SCAP: variants seen among roughly 807,000 people sequenced by gnomAD.
SCAP encodes the protein sterol regulatory element-binding protein cleavage-activating protein.
A neutral mutation model predicts 123.6 loss-of-function variants in SCAP; 65 were observed. That is an observed-to-expected ratio of 0.53 (90% CI 0.43 to 0.65). The LOEUF is 0.65. Ranked by LOEUF, SCAP falls within the 30% of genes least tolerant of loss-of-function variation. SCAP has a pLI of 0.00. For synonymous variants in SCAP, 740 were observed against 726.3 expected (o/e 1.02, Z -0.30); for missense variants, 1,398 against 1,712.5 (o/e 0.82, Z 3.24).
intron 1 of SCAP, among the ~76,000 whole-genome samples, chr3:47,471,207 A>C (rs1417466148): frequency 6.6e-6 from 1 of 152,204 alleles, no homozygotes; most frequent in Admixed American, 6.5e-5. Context: ...AAGAGGAGGC[A>C]GGGAAAGGCA....
In SCAP at chr3:47,462,767, A is replaced by G. The variant is rs980641866; in HGVS notation, c.-99+13032T>C. Reference sequence around the variant, plus strand: ...AAACTCCGTCTCAAAAAAAAAAAAAAAAAAAAAGAAAGAAAGAAAGGAAAA... The same window carrying G: ...AAACTCCGTCTCAAAAAAAAAAAAAGAAAAAAAGAAAGAAAGAAAGGAAAA... On this transcript the variant is annotated intron_variant, in intron 1 of 22. Coordinates refer to ENST00000265565, the MANE Select transcript of SCAP (RefSeq NM_012235.4). Among the ~76,000 whole-genome samples, 38 of 151,594 alleles carry G rather than the reference A, an allele frequency of 2.5e-4. No homozygotes were observed. In the South Asian group the frequency reaches 7.3e-3, roughly 29 times the overall value.
At chr3:47,417,968 G>A (rs1471464454) in intron 16 of SCAP, 142 bp from the exon 17 acceptor site, 3 of 455,524 alleles carry the variant, frequency 6.6e-6, no homozygotes, top group East Asian at 4.1e-5. Flanking sequence ...GGGGTGGGGA[G>A]AGGGGGGTAC....
At chr3:47,431,005 G>A (rs1002182134) in intron 3 of SCAP, among the ~76,000 whole-genome samples, 8 of 152,136 alleles carry the variant, frequency 5.3e-5, no homozygotes, top group African/African-American at 1.4e-4. Flanking sequence ...AGAGGCAACC[G>A]TCTGAGCCTT....
In SCAP at chr3:47,417,663, G is replaced by A. The variant is rs747708395; in HGVS notation, c.2611C>T (p.Pro871Ser). The A allele has an allele frequency of 6.2e-7, 1 of 1,609,490 alleles. No individual in the cohort carries two copies. Among genetic ancestry groups the A allele is most frequent in the Non-Finnish European group, 8.5e-7 (1 of 1,178,852 alleles). ...GTGTCAATTAAGCAGGTGAGGTCAGGCTGGTCCCCGAAGAGGGAAGGCGGC... is the reference window on the plus strand; with the variant it reads ...GTGTCAATTAAGCAGGTGAGGTCAGACTGGTCCCCGAAGAGGGAAGGCGGC... ...PPPPSLFGDQ[P>S]DLTCLIDTNF... The change falls in exon 17 of 23, where the codon CCT becomes TCT. Residue 871 changes from proline to serine, a missense_variant. Transcript: ENST00000265565.
At chr3:47,459,890 C>G (rs1336901148) in intron 1 of SCAP, among the ~76,000 whole-genome samples, 1 of 152,100 alleles carries the variant, frequency 6.6e-6, no homozygotes, top group Admixed American at 6.6e-5. Flanking sequence ...GAGACCAGGG[C>G]GTATTTCAGT....
In SCAP at chr3:47,427,795, TGACCACTA is replaced by T. The variant is rs903271805; in HGVS notation, c.411-136_411-129del. ...TGCTCTCTGGTATCGCCAAAGAGCC[TGACCACTA>T]GGGCAGCAGGGGGAAGTACTTCCAG... is the stretch of plus-strand genomic sequence containing the variant. On this transcript the variant is annotated intron_variant, in intron 4 of 22. Coordinates refer to ENST00000265565, the MANE Select transcript of SCAP (RefSeq NM_012235.4). The T allele has an allele frequency of 5.2e-6, 4 of 771,900 alleles. No homozygotes were observed. In the African/African-American group the frequency reaches 7.0e-5, roughly 13 times the overall value. 47.8% of individuals were successfully genotyped at this position (771,900 alleles called of 1,614,324 possible).
intron 1 of SCAP, among the ~76,000 whole-genome samples, chr3:47,455,128 A>C (rs1409927552): frequency 6.7e-6 from 1 of 148,902 alleles, no homozygotes; most frequent in African/African-American, 2.4e-5. Context: ...TTGATAAAAG[A>C]ATCACCATAA....
Position 47,469,799 on chromosome 3 carries a change from G to A in SCAP, c.-99+6000C>T, listed in dbSNP as rs997218570. On this transcript the variant is annotated intron_variant, in intron 1 of 22. Transcript: ENST00000265565. ...CTTATATTCATTGCTCAACAAGGAA[G>A]AGACTTGCAAGGCTATTACCCTGGG... 17 of 562,030 alleles carry A rather than the reference G, an allele frequency of 3.0e-5. No individual in the cohort carries two copies. The African/African-American group carries it at 3.1e-4, about 10-fold the overall frequency. The allele number at this position is 562,030 out of a possible 1,614,324, so 34.8% of individuals were successfully genotyped here.
At chr3:47,474,915 A>C (rs1298628246) in intron 1 of SCAP, among the ~76,000 whole-genome samples, 1 of 152,206 alleles carries the variant, frequency 6.6e-6, no homozygotes, top group Non-Finnish European at 1.5e-5. Context: ...TCTTTTGCTC[A>C]ATATCCTGAC....
intron 1 of SCAP, among the ~76,000 whole-genome samples, chr3:47,454,781 A>T (rs185961089): frequency 2.6e-4 from 40 of 151,914 alleles, no homozygotes; most frequent in Admixed American, 2.0e-3. Context: ...TATATATATA[A>T]AAAATAAATA....
chr3:47,416,981 C>T (rs1360114203), intron 18 of SCAP, 141 bp downstream of exon 18: 14 of 730,168 alleles, frequency 1.9e-5, no homozygotes, highest in Non-Finnish European at 2.7e-5. Context: ...CCTCTGCTCA[C>T]AGGTGTGGAG....
chr3:47,469,923 C>T, intron 1 of SCAP: 1 of 464,868 alleles, frequency 2.2e-6, no homozygotes, highest in Non-Finnish European at 4.3e-6. Context: ...CCTCTTAGTT[C>T]ACTGCCACAG....
chr3:47,428,993 C>T (rs534479396), intron 3 of SCAP: 21 of 263,890 alleles, frequency 8.0e-5, no homozygotes, highest in African/African-American at 4.2e-4. Flanking sequence ...TAACTCCCCC[C>T]GGAATTTGCA....
At chr3:47,451,077 T>A (rs1163530103) in intron 1 of SCAP, among the ~76,000 whole-genome samples, 1 of 121,938 alleles carries the variant, frequency 8.2e-6, no homozygotes, top group East Asian at 2.9e-4. Flanking sequence ...GGTCTTGAAC[T>A]CCTGGTTTCA....
intron 1 of SCAP, among the ~76,000 whole-genome samples, chr3:47,461,754 C>T (rs1576311398): frequency 6.6e-6 from 1 of 152,148 alleles, no homozygotes; most frequent in African/African-American, 2.4e-5. Context: ...GCAGTCTAGG[C>T]CGGGCACGGT....
At chr3:47,433,803 A>T (rs1287761340) in intron 3 of SCAP, among the ~76,000 whole-genome samples, 1 of 152,170 alleles carries the variant, frequency 6.6e-6, no homozygotes, top group African/African-American at 2.4e-5. Context: ...CAGGAGACAG[A>T]GGTTGCAATG....
At chr3:47,421,089 G>A in intron 10 of SCAP, 60 bp from the exon 11 acceptor site, 1 of 1,394,886 alleles carries the variant, frequency 7.2e-7, no homozygotes, top group Non-Finnish European at 1.0e-6. Context: ...CAGCCCAAGA[G>A]GAGCAGTACC....
intron 2 of SCAP, among the ~76,000 whole-genome samples, chr3:47,436,953 A>G (rs1048837334): frequency 3.3e-5 from 5 of 152,236 alleles, no homozygotes; most frequent in African/African-American, 1.2e-4. Flanking sequence ...AAATGAAACC[A>G]TTCATTCTAC....
At position 47,448,017 on chromosome 3, in the gene SCAP, A is replaced by C. The variant is rs113945636; in HGVS notation, c.-98-4926T>G. Among the ~76,000 whole-genome samples the C allele has an allele frequency of 4.8e-4, 73 of 151,402 alleles. 1 individual carries two copies. Among genetic ancestry groups the C allele is most frequent in the Non-Finnish European group, 7.4e-4 (50 of 67,752 alleles). ...GACTCCGTCTCAAAAAAAAAAAAAA[A>C]AAAAAAAAAAAAAAAACTTGATAGA... On this transcript the variant is annotated intron_variant, in intron 1 of 22. Transcript: ENST00000265565.
Sources: gnomAD v4.1 joint callset for allele counts (sites outside exome capture counted in the v4.1 genomes callset) on GRCh38, gnomAD v4.1.1 for gene constraint, MANE v1.5 for transcripts, NCBI Gene and HGNC (gene_info 2026-07-23, HGNC 2026-07-21) for gene names.